PKHD1: variants seen among roughly 807,000 people sequenced by gnomAD.
PKHD1 encodes PKHD1 ciliary IPT domain containing fibrocystin/polyductin, also known as fibrocystin.
In PKHD1, 291 loss-of-function variants were observed where a neutral mutation model predicts 412.0. That is an observed-to-expected ratio of 0.71 (90% CI 0.64 to 0.78). PKHD1 has a LOEUF of 0.78. Among genes scored for constraint, PKHD1 ranks in the 30% least tolerant of loss-of-function variants. The pLI is 0.00. For missense variants in PKHD1, 4,825 were observed against 4,950.7 expected (o/e 0.97, Z 0.76); for synonymous variants, 1,777 against 1,821.5 (o/e 0.98, Z 0.62).
chr6:51,734,689 T>C (rs1202836341), intron 60 of PKHD1, among the ~76,000 whole-genome samples: 1 of 151,680 alleles, frequency 6.6e-6, no homozygotes, highest in African/African-American at 2.4e-5. Context: ...GATCAAAAAC[T>C]GCAGATCAAA....
In PKHD1 at chr6:51,617,640, C is replaced by G. The variant is rs1766179545; in HGVS notation, c.*1441G>C. The stretch of plus-strand genomic sequence containing the variant: ...CTACCTACCTCCTTTTAGGGACAGC[C>G]TGAAGATCTGCAATACTCACCAGAT... On this transcript the variant is annotated 3_prime_UTR_variant, in exon 67 of 67. Coordinates refer to ENST00000371117, the MANE Select transcript of PKHD1 (RefSeq NM_138694.4). 1 of 152,090 alleles carries G rather than the reference C, an allele frequency of 6.6e-6. No individual in the cohort carries two copies. The allele number at this position is 152,090 out of a possible 1,614,324, so 9.4% of individuals were successfully genotyped here.
intron 60 of PKHD1, among the ~76,000 whole-genome samples, chr6:51,678,828 A>G (rs1582032476): frequency 6.6e-6 from 1 of 152,130 alleles, no homozygotes; most frequent in African/African-American, 2.4e-5. Flanking sequence ...AATTTTATTT[A>G]TTTATTTATT....
rs764505476 is a variant in PKHD1, at chr6:52,048,591, C to T, written c.2308G>A (p.Gly770Arg). 7.4e-6 allele frequency: 12 copies of T among 1,613,966 alleles called. No homozygotes were observed. Among genetic ancestry groups the T allele is most frequent in the Non-Finnish European group, 9.3e-6 (11 of 1,179,950 alleles). The part of the protein sequence containing the change: ...RSVPTEGTEE[G>R]SGLVLVTTQR... Reference sequence around the variant, plus strand: ...GTCGTCACCAGGACCAGTCCAGATCCCTCTTCTGTTCCTTCAGTGGGCACA... The same window carrying T: ...GTCGTCACCAGGACCAGTCCAGATCTCTCTTCTGTTCCTTCAGTGGGCACA... The change falls in exon 23 of 67, where the codon GGA (glycine) becomes AGA (arginine). Residue 770 changes from glycine to arginine, a missense_variant. Physicochemically the swap from Gly to Arg is moderately radical, Grantham distance 125. Transcript: ENST00000371117.
chr6:51,882,297 C>A (rs776994815), intron 46 of PKHD1, among the ~76,000 whole-genome samples: 15 of 152,022 alleles, frequency 9.9e-5, no homozygotes, highest in Middle Eastern at 3.4e-3. Context: ...AAGTATAGTT[C>A]AAAGGAGATT....
At chr6:51,982,197 C>A (rs1211827407) in intron 35 of PKHD1, among the ~76,000 whole-genome samples, 9 of 32,546 alleles carry the variant, frequency 2.8e-4, no homozygotes, top group South Asian at 1.1e-3. Flanking sequence ...GGGGGGTCAG[C>A]CCCCCGCCCG....
At chr6:52,052,283 G>T (rs1178081029) in intron 21 of PKHD1, among the ~76,000 whole-genome samples, 1 of 152,202 alleles carries the variant, frequency 6.6e-6, no homozygotes, top group Non-Finnish European at 1.5e-5. Context: ...GCACCATTCT[G>T]CCTTGGCTGT....
At chr6:51,930,052 C>T (rs1583426825) in intron 37 of PKHD1, among the ~76,000 whole-genome samples, 1 of 152,072 alleles carries the variant, frequency 6.6e-6, no homozygotes, top group Non-Finnish European at 1.5e-5. Context: ...AAGCAAGAGC[C>T]GTAATTACGT....
chr6:51,820,489 C>T (rs1181500786), intron 52 of PKHD1, among the ~76,000 whole-genome samples: 1 of 152,188 alleles, frequency 6.6e-6, no homozygotes, highest in Non-Finnish European at 1.5e-5. Context: ...GTGCTAGGTA[C>T]TGTTACTCAA....
intron 60 of PKHD1, among the ~76,000 whole-genome samples, chr6:51,691,919 T>C (rs1192886759): frequency 6.6e-6 from 1 of 152,154 alleles, no homozygotes; most frequent in Non-Finnish European, 1.5e-5. Flanking sequence ...CCCAATCTAA[T>C]GGCAAACGCT....
intron 60 of PKHD1, among the ~76,000 whole-genome samples, chr6:51,720,586 A>G (rs558423516): frequency 6.6e-6 from 1 of 152,282 alleles, no homozygotes; most frequent in East Asian, 1.9e-4. Context: ...TCCAAGAGCC[A>G]CCTGCCTTGA....
At chr6:51,982,806 TAAA>T (rs1195552598) in intron 35 of PKHD1, among the ~76,000 whole-genome samples, 1 of 40,294 alleles carries the variant, frequency 2.5e-5, no homozygotes, top group African/African-American at 8.1e-5. Flanking sequence ...GAATGATCAA[TAAA>T]AAAAAAAATA....
chr6:51,825,864 G>C (rs1767212744), intron 52 of PKHD1, among the ~76,000 whole-genome samples: 1 of 152,060 alleles, frequency 6.6e-6, no homozygotes, highest in African/African-American at 2.4e-5. Context: ...TCCAGAATAA[G>C]TGGGGTGGTG....
At chr6:51,818,771 C>G (rs948818482) in intron 52 of PKHD1, among the ~76,000 whole-genome samples, 1 of 152,074 alleles carries the variant, frequency 6.6e-6, no homozygotes, top group African/African-American at 2.4e-5. Context: ...AAAGAAGAAT[C>G]CTTTCTCCTT....
intron 35 of PKHD1, among the ~76,000 whole-genome samples, chr6:51,988,953 A>G (rs1373649583): frequency 6.6e-6 from 1 of 152,246 alleles, no homozygotes; most frequent in East Asian, 1.9e-4. Flanking sequence ...ATAGAAAATC[A>G]ACAACATAAG....
At chr6:51,755,631 C>T (rs2151025179) in intron 55 of PKHD1, among the ~76,000 whole-genome samples, 1 of 152,298 alleles carries the variant, frequency 6.6e-6, no homozygotes. Context: ...CTAGCATTCC[C>T]TCTGAATATG....
rs1766283433 is a variant in PKHD1 at position 51,619,072 on chromosome 6, C to T, written c.*9G>A. 3 of 1,613,740 alleles carry T rather than the reference C, an allele frequency of 1.9e-6. No homozygotes were observed. Among genetic ancestry groups the T allele is most frequent in the Non-Finnish European group, 2.5e-6 (3 of 1,179,642 alleles). On this transcript the variant is annotated 3_prime_UTR_variant, in exon 67 of 67. Coordinates refer to ENST00000371117, the MANE Select transcript of PKHD1 (RefSeq NM_138694.4). ...TGCCTTTCAGGCCAAATGCCCCCAA[C>T]TTCCCTGATCACAGTTGCTCCTGAA...
intron 50 of PKHD1, among the ~76,000 whole-genome samples, chr6:51,843,348 G>A (rs1770572064): frequency 6.6e-6 from 1 of 152,230 alleles, no homozygotes; most frequent in African/African-American, 2.4e-5. Context: ...ACTCGATGTA[G>A]GCCTCAGGCC....
intron 49 of PKHD1, among the ~76,000 whole-genome samples, chr6:51,855,330 G>A (rs1205869455): frequency 6.6e-6 from 1 of 152,150 alleles, no homozygotes; most frequent in Non-Finnish European, 1.5e-5. Flanking sequence ...TTTTTCGATG[G>A]TAGCCTCCGA....
At chr6:51,777,631 C>T (rs541695331) in intron 53 of PKHD1, among the ~76,000 whole-genome samples, 1 of 138,318 alleles carries the variant, frequency 7.2e-6, no homozygotes, top group Non-Finnish European at 1.5e-5. Flanking sequence ...AAGCTGTTTT[C>T]CAACTGTGAT....
Sources: gnomAD v4.1 joint callset for allele counts (sites outside exome capture counted in the v4.1 genomes callset) on GRCh38, gnomAD v4.1.1 for gene constraint, MANE v1.5 for transcripts, NCBI Gene and HGNC (gene_info 2026-07-23, HGNC 2026-07-21) for gene names.